Variants in GABRG3 observed in about 807,000 individuals in gnomAD.
GABRG3 encodes gamma-aminobutyric acid receptor subunit gamma-3.
GABRG3 carries 25 observed loss-of-function variants against 48.8 expected under a neutral mutation model. The ratio of observed to expected loss-of-function variants is 0.51; its 90% CI spans 0.37 to 0.72. The LOEUF (loss-of-function observed/expected upper bound fraction) is 0.72. Ranked by LOEUF, GABRG3 falls within the 30% of genes least tolerant of loss-of-function variation. GABRG3 has a pLI of 0.00. For missense variants in GABRG3, 394 were observed against 577.9 expected, an observed-to-expected ratio of 0.68 and a Z score of 3.26; for synonymous variants, 227 against 217.6, an observed-to-expected ratio of 1.04 and a Z score of -0.38.
intron 5 of GABRG3, among the ~76,000 whole-genome samples, chr15:27,341,453 T>A (rs534672103): frequency 8.5e-5 from 13 of 152,312 alleles, no homozygotes; most frequent in African/African-American, 3.1e-4. Context: ...GTCAGCCCGA[T>A]GACTGCGCCT....
rs1293076448 is a variant in GABRG3, at chr15:27,401,726, T to C, written c.574+72838T>C. 1.3e-5 allele frequency among the ~76,000 whole-genome samples: 2 copies of C among 152,146 alleles called. 1 individual carries two copies. Among genetic ancestry groups the C allele is most frequent in the East Asian group, 3.9e-4 (2 of 5,186 alleles). ...TAGATTAACTGTGTTCTCTAAGGAG[T>C]TGTGCAATGCCAAGATTCATAAAGC... is the stretch of plus-strand genomic sequence containing the variant. On this transcript the variant is annotated intron_variant, in intron 5 of 9. Transcript: ENST00000615808.
At chr15:27,238,844 G>A (rs543862438) in intron 3 of GABRG3, among the ~76,000 whole-genome samples, 3 of 152,292 alleles carry the variant, frequency 2.0e-5, no homozygotes, top group East Asian at 1.9e-4. Flanking sequence ...AACAGCCAAC[G>A]TTGCTATTGT....
intron 1 of GABRG3, among the ~76,000 whole-genome samples, 174 bp downstream of exon 1, chr15:26,971,762 A>G (rs1267779670): frequency 6.6e-6 from 1 of 152,164 alleles, no homozygotes; most frequent in Non-Finnish European, 1.5e-5. Context: ...TCCCTTGGAC[A>G]CGGTCATCTG....
At chr15:27,469,577 G>A (rs2150839665) in intron 5 of GABRG3, among the ~76,000 whole-genome samples, 1 of 152,230 alleles carries the variant, frequency 6.6e-6, no homozygotes, top group East Asian at 1.9e-4. Context: ...CTGACCTCAG[G>A]TGATCTGCCT....
intron 6 of GABRG3, among the ~76,000 whole-genome samples, chr15:27,508,938 T>C (rs940310695): frequency 1.3e-5 from 2 of 152,056 alleles, no homozygotes; most frequent in Non-Finnish European, 2.9e-5. Context: ...CCGGGATGCT[T>C]TCAATCTCCT....
intron 3 of GABRG3, among the ~76,000 whole-genome samples, chr15:27,039,458 C>T (rs535986691): frequency 1.3e-4 from 20 of 152,244 alleles, no homozygotes; most frequent in African/African-American, 4.6e-4. Context: ...GGCTGCACCA[C>T]GGAGTGGCCT....
chr15:27,006,154 A>G (rs779978730), intron 2 of GABRG3, among the ~76,000 whole-genome samples: 3 of 150,412 alleles, frequency 2.0e-5, no homozygotes, highest in Non-Finnish European at 3.0e-5. Context: ...AGTTTCTTCA[A>G]TAAAACTTTT....
At chr15:27,020,926 G>C (rs1243374501) in intron 2 of GABRG3, among the ~76,000 whole-genome samples, 1 of 152,140 alleles carries the variant, frequency 6.6e-6, no homozygotes, top group Non-Finnish European at 1.5e-5. Context: ...TCGTCATCAT[G>C]TTCTAGGGGA....
intron 3 of GABRG3, among the ~76,000 whole-genome samples, chr15:27,139,005 TGATAGATA>T (rs372666035): frequency 1.3e-5 from 2 of 151,648 alleles, no homozygotes; most frequent in African/African-American, 2.4e-5. Context: ...GGTGGATAGG[TGATAGATA>T]GATAGATAGA....
intron 3 of GABRG3, among the ~76,000 whole-genome samples, chr15:27,093,964 A>G (rs1897233736): frequency 6.6e-6 from 1 of 152,218 alleles, no homozygotes; most frequent in Admixed American, 6.5e-5. Flanking sequence ...CACATAAAAA[A>G]TAAAGATGTT....
chr15:27,155,397 T>A (rs909069782), intron 3 of GABRG3, among the ~76,000 whole-genome samples: 5 of 152,258 alleles, frequency 3.3e-5, no homozygotes, highest in African/African-American at 1.2e-4. Context: ...AATTTTAACA[T>A]CTTTGCCTTC....
intron 6 of GABRG3, among the ~76,000 whole-genome samples, chr15:27,498,472 A>G (rs1890538633): frequency 6.6e-6 from 1 of 151,906 alleles, no homozygotes; most frequent in Non-Finnish European, 1.5e-5. Flanking sequence ...ATTCCATTAG[A>G]TGTGGGTTCA....
intron 3 of GABRG3, among the ~76,000 whole-genome samples, chr15:27,077,438 A>AT (rs902867104): frequency 4.0e-5 from 6 of 149,566 alleles, no homozygotes; most frequent in South Asian, 4.2e-4. Context: ...TTACTCTCTC[A>AT]TTTTTTTTTC....
intron 5 of GABRG3, among the ~76,000 whole-genome samples, chr15:27,454,745 T>A (rs1889212825): frequency 6.6e-6 from 1 of 152,216 alleles, no homozygotes; most frequent in South Asian, 2.1e-4. Context: ...CCTTAGCAAG[T>A]AAGTCATCCC....
At chr15:27,034,811 G>C (rs931610925) in intron 3 of GABRG3, among the ~76,000 whole-genome samples, 1 of 152,138 alleles carries the variant, frequency 6.6e-6, no homozygotes, top group Non-Finnish European at 1.5e-5. Context: ...TGCCTCTCAC[G>C]TGCATGCCTG....
At chr15:27,077,488 C>A (rs1896928666) in intron 3 of GABRG3, among the ~76,000 whole-genome samples, 1 of 151,984 alleles carries the variant, frequency 6.6e-6, no homozygotes, top group Non-Finnish European at 1.5e-5. Context: ...TTTAGAAATG[C>A]CAAGACAAAT....
chr15:27,099,344 A>G (rs1566935217), intron 3 of GABRG3, among the ~76,000 whole-genome samples: 1 of 152,128 alleles, frequency 6.6e-6, no homozygotes, highest in Non-Finnish European at 1.5e-5. Flanking sequence ...TGGAGGCTGG[A>G]AGTCCAAGAT....
chr15:27,466,292 A>G (rs898448490), intron 5 of GABRG3, among the ~76,000 whole-genome samples: 5 of 152,182 alleles, frequency 3.3e-5, no homozygotes, highest in Admixed American at 2.6e-4. Flanking sequence ...TCCTACCCCC[A>G]ACAGTGGTAA....
At chr15:27,191,062 C>T (rs1888283417) in intron 3 of GABRG3, among the ~76,000 whole-genome samples, 3 of 152,092 alleles carry the variant, frequency 2.0e-5, no homozygotes, top group Admixed American at 2.0e-4. Context: ...ATCCTGAGTT[C>T]TAGTTTGATT....
Sources: allele counts gnomAD v4.1 joint callset (sites outside exome capture counted in the v4.1 genomes callset), GRCh38; gene constraint gnomAD v4.1.1; transcripts MANE v1.5; gene names NCBI Gene and HGNC (gene_info 2026-07-23, HGNC 2026-07-21).